MAML2: variants seen among roughly 807,000 people sequenced by gnomAD.
The protein encoded by MAML2 is mastermind-like protein 2.
Under a neutral mutation model 96.1 loss-of-function variants are expected in MAML2, and 22 were observed. The observed-to-expected ratio is 0.23, with a 90% CI of 0.16 to 0.33. The LOEUF (loss-of-function observed/expected upper bound fraction) is 0.33, where lower values mean the gene tolerates loss of function less well. MAML2 is among the 10% of genes least tolerant of loss of function. The pLI is 1.00. For missense variants in MAML2, 1,367 were observed against 1,392.4 expected (o/e 0.98, Z 0.29); for synonymous variants, 561 against 521.3 (o/e 1.08, Z -1.04).
intron 1 of MAML2, among the ~76,000 whole-genome samples, chr11:96,120,114 C>T (rs543163460): frequency 3.9e-5 from 6 of 152,192 alleles, no homozygotes; most frequent in South Asian, 2.1e-4. Flanking sequence ...CCTGCCAGCA[C>T]GCCCGGCTAA....
chr11:96,084,593 T>C (rs1859578547), intron 2 of MAML2, among the ~76,000 whole-genome samples: 1 of 152,164 alleles, frequency 6.6e-6, no homozygotes. Flanking sequence ...CCCTTCCACC[T>C]TTCAAGGCCT....
chr11:95,976,833 G>A lies in MAML2; in HGVS notation c.*2115C>T, dbSNP rs139800926. The A allele has an allele frequency of 2.8e-3, 523 of 186,128 alleles. 1 individual carries two copies. The highest frequency in any genetic ancestry group is 0.011 in the African/African-American group (480 of 42,780). The allele number at this position is 186,128 out of a possible 1,614,324, so 11.5% of individuals were successfully genotyped here. On this transcript the variant is annotated 3_prime_UTR_variant, in exon 5 of 5. Transcript: ENST00000524717. Reference sequence around the variant, plus strand: ...CATGGAGGAGCCATACAACAAAAGCGTTTATATGTACATCATTTTTTTTCT... The same window carrying A: ...CATGGAGGAGCCATACAACAAAAGCATTTATATGTACATCATTTTTTTTCT...
intron 1 of MAML2, among the ~76,000 whole-genome samples, chr11:96,159,210 A>G (rs916265721): frequency 2.0e-5 from 3 of 152,266 alleles, no homozygotes; most frequent in Non-Finnish European, 4.4e-5. Flanking sequence ...CTTACTGCCA[A>G]GCAGTAATCT....
At chr11:96,323,421 C>T (rs1317975022) in intron 1 of MAML2, among the ~76,000 whole-genome samples, 1 of 150,018 alleles carries the variant, frequency 6.7e-6, no homozygotes, top group Non-Finnish European at 1.5e-5. Flanking sequence ...TTAGGAAGAA[C>T]GATCTGGTTG....
At chr11:96,300,586 A>G (rs1863372682) in intron 1 of MAML2, among the ~76,000 whole-genome samples, 1 of 152,200 alleles carries the variant, frequency 6.6e-6, no homozygotes, top group South Asian at 2.1e-4. Context: ...CTGGAGGTAA[A>G]GGCAGCACAC....
intron 1 of MAML2, among the ~76,000 whole-genome samples, chr11:96,340,033 A>T (rs1326513591): frequency 6.6e-6 from 1 of 152,184 alleles, no homozygotes; most frequent in African/African-American, 2.4e-5. Flanking sequence ...AAGGAGTCCC[A>T]TTCCTAGGTA....
Position 96,092,674 on chromosome 11 carries a change from G to T in MAML2, c.1357C>A (p.Gln453Lys), listed in dbSNP as rs543939679. The change falls in exon 2 of 5, where the codon CAG becomes AAG. Residue 453 changes from glutamine to lysine, a missense_variant. Gln to Lys is a moderately conservative substitution (Grantham distance 53). Transcript: ENST00000524717. The surrounding 1 kb of genome is among the most constrained non-coding windows in gnomAD (Gnocchi z 4.1). The part of the protein sequence containing the change: ...RQQHARMQQH[Q>K]QQHQPTNWSA... ...CAGTTGGTAGGCTGGTGCTGCTGCT[G>T]GTGCTGCTGCATCCGGGCATGCTGC... 1.2e-6 allele frequency: 2 copies of T among 1,614,000 alleles called. No homozygotes were observed. Among genetic ancestry groups the T allele is most frequent in the South Asian group, 2.2e-5 (2 of 91,088 alleles).
intron 1 of MAML2, among the ~76,000 whole-genome samples, chr11:96,107,978 T>C (rs1860051707): frequency 6.6e-6 from 1 of 152,192 alleles, no homozygotes; most frequent in Admixed American, 6.5e-5. Context: ...AGTGTTTCCC[T>C]GAGTTCTACG....
intron 1 of MAML2, among the ~76,000 whole-genome samples, chr11:96,306,170 T>C (rs1414050829): frequency 6.6e-6 from 1 of 152,138 alleles, no homozygotes; most frequent in Admixed American, 6.5e-5. Context: ...CAGTTGTGCC[T>C]TTGATCACTG....
chr11:96,025,559 G>A lies in MAML2; in HGVS notation c.2140-33836C>T, dbSNP rs190764886. Among the ~76,000 whole-genome samples, 3 of 152,234 alleles carry A rather than the reference G, an allele frequency of 2.0e-5. No individual in the cohort carries two copies. The East Asian group carries it at 5.8e-4, about 29-fold the overall frequency. ...ATCTAAAATAAAAGTGTAAATTATT[G>A]TTATTATTATTTGAGATGGAGTCTC... On this transcript the variant is annotated intron_variant, in intron 2 of 4. Coordinates refer to ENST00000524717, the MANE Select transcript of MAML2 (RefSeq NM_032427.4).
At chr11:96,013,630 AG>A (rs1475368210) in intron 2 of MAML2, among the ~76,000 whole-genome samples, 1 of 152,292 alleles carries the variant, frequency 6.6e-6, no homozygotes, top group East Asian at 1.9e-4. Flanking sequence ...GTAGACACAA[AG>A]GCAGCCAGAC....
chr11:96,202,874 C>T (rs187957629), intron 1 of MAML2, among the ~76,000 whole-genome samples: 28 of 152,198 alleles, frequency 1.8e-4, no homozygotes, highest in Admixed American at 1.4e-3. Context: ...GTGATCTATC[C>T]GCCTCGGCCT....
At chr11:96,085,993 A>C (rs1416671333) in intron 2 of MAML2, among the ~76,000 whole-genome samples, 2 of 152,256 alleles carry the variant, frequency 1.3e-5, no homozygotes, top group African/African-American at 4.8e-5. Flanking sequence ...AAACATGTTT[A>C]AAATGAAATT....
chr11:96,271,389 T>C (rs12802492), intron 1 of MAML2, among the ~76,000 whole-genome samples: 2 of 152,186 alleles, frequency 1.3e-5, no homozygotes, highest in East Asian at 1.9e-4. Context: ...TGTGAGGACA[T>C]GAGATTTGGG....
intron 2 of MAML2, among the ~76,000 whole-genome samples, chr11:96,045,017 T>G (rs1005803584): frequency 6.6e-6 from 1 of 152,172 alleles, no homozygotes; most frequent in Non-Finnish European, 1.5e-5. Flanking sequence ...GAGCACTTGG[T>G]TGAAAAAGCA....
intron 2 of MAML2, among the ~76,000 whole-genome samples, chr11:96,083,489 G>A (rs1222355238): frequency 6.6e-6 from 1 of 152,166 alleles, no homozygotes; most frequent in Non-Finnish European, 1.5e-5. Flanking sequence ...AGCTGAGAGG[G>A]AATTCTCTGC....
At chr11:96,087,415 T>C (rs2135804773) in intron 2 of MAML2, among the ~76,000 whole-genome samples, 1 of 152,308 alleles carries the variant, frequency 6.6e-6, no homozygotes, top group South Asian at 2.1e-4. Flanking sequence ...AATGTAAACA[T>C]AATGCTCCTG....
chr11:96,089,864 G>A (rs1182472243), intron 2 of MAML2, among the ~76,000 whole-genome samples: 1 of 95,642 alleles, frequency 1.0e-5, no homozygotes, highest in African/African-American at 3.5e-5. Flanking sequence ...CCTTTTGGAA[G>A]AGATGAAAAT....
chr11:96,099,109 A>T (rs752407803), intron 1 of MAML2, among the ~76,000 whole-genome samples: 7 of 152,068 alleles, frequency 4.6e-5, no homozygotes, highest in Non-Finnish European at 1.0e-4. Context: ...AGGCATAAAC[A>T]CAAGAACCAA....
Sources: allele counts gnomAD v4.1 joint callset (sites outside exome capture counted in the v4.1 genomes callset), GRCh38; gene constraint gnomAD v4.1.1; non-coding constraint Gnocchi (gnomAD v3.1); transcripts MANE v1.5; gene names NCBI Gene and HGNC (gene_info 2026-07-23, HGNC 2026-07-21).